The following LINGO2 variants were observed in gnomAD, a reference collection of about 807,000 sequenced individuals.
LINGO2 encodes leucine rich repeat and Ig domain containing 2, also known as leucine-rich repeat and immunoglobulin-like domain-containing nogo receptor-interacting protein 2.
In LINGO2, 14 loss-of-function variants were observed where a neutral mutation model predicts 30.6. The ratio of observed to expected loss-of-function variants is 0.46; its 90% CI spans 0.30 to 0.72. The LOEUF is 0.72. Among genes scored for constraint, LINGO2 ranks in the 30% least tolerant of loss-of-function variants. The pLI is 0.07. For synonymous variants in LINGO2, 317 were observed against 288.5 expected, an observed-to-expected ratio of 1.10 and a Z score of -1.00; for missense variants, 729 against 751.7, an observed-to-expected ratio of 0.97 and a Z score of 0.35.
rs763284293 is a variant in LINGO2, at chr9:27,981,534, C to CAAAAAAAAAAAAA, written c.-36+30808_-36+30820dup. Among the ~76,000 whole-genome samples, 167 of 39,788 alleles carry CAAAAAAAAAAAAA rather than the reference C, an allele frequency of 4.2e-3. 3 individuals carry two copies. The highest frequency in any genetic ancestry group is 5.8e-3 in the African/African-American group (68 of 11,802). 26.1% of individuals were successfully genotyped at this position (39,788 alleles called of 152,430 possible). ...ATGAAAGGATAAATGACGAGGATGG[C>CAAAAAAAAAAAAA]AAAAAAAAAAAAAAAAGAAAAAAAA... On this transcript the variant is annotated intron_variant, in intron 5 of 5. Coordinates refer to ENST00000379992, the Ensembl canonical transcript of LINGO2.
At chr9:28,878,486 T>G in the LINGO2 span, among the ~76,000 whole-genome samples, 2 of 152,182 alleles carry the variant, frequency 1.3e-5, no homozygotes, top group Admixed American at 6.6e-5. Context: ...AAACTCATTT[T>G]ATGAGGCCAG....
the LINGO2 span, among the ~76,000 whole-genome samples, chr9:28,707,639 T>C: frequency 6.6e-6 from 1 of 152,214 alleles, no homozygotes; most frequent in South Asian, 2.1e-4. Context: ...TCTGCTCAAC[T>C]GTCTTGTAAT....
At chr9:28,738,008 T>G in the LINGO2 span, among the ~76,000 whole-genome samples, 187 of 152,214 alleles carry the variant, frequency 1.2e-3, 3 homozygotes, top group East Asian at 0.029. Context: ...TCTCAGCAAC[T>G]AAAAAATGTG....
the LINGO2 span, among the ~76,000 whole-genome samples, chr9:28,784,106 G>A: frequency 6.6e-6 from 1 of 152,146 alleles, no homozygotes; most frequent in Non-Finnish European, 1.5e-5. Flanking sequence ...ATAATAATGT[G>A]AAATAAAATT....
At chr9:28,163,508 T>G (rs1471644763) in intron 4 of LINGO2, among the ~76,000 whole-genome samples, 1 of 152,128 alleles carries the variant, frequency 6.6e-6, no homozygotes, top group Non-Finnish European at 1.5e-5. Flanking sequence ...ACAAAAATAA[T>G]CTATAGAACT....
intron 1 of LINGO2, among the ~76,000 whole-genome samples, chr9:28,486,626 T>C (rs1826174458): frequency 6.6e-6 from 1 of 152,102 alleles, no homozygotes; most frequent in Admixed American, 6.6e-5. Flanking sequence ...TAAAAAGGTA[T>C]TCCTCAGGTA....
chr9:28,546,339 G>C (rs1280283867), intron 1 of LINGO2, among the ~76,000 whole-genome samples: 1 of 152,046 alleles, frequency 6.6e-6, no homozygotes, highest in Non-Finnish European at 1.5e-5. Context: ...TGACATGGGA[G>C]CCTTCAGCAA....
chr9:29,169,529 ATACT>A, the LINGO2 span, among the ~76,000 whole-genome samples: 4 of 152,144 alleles, frequency 2.6e-5, no homozygotes, highest in Non-Finnish European at 4.4e-5. Flanking sequence ...TGAAAAAAAA[ATACT>A]TAATATCACT....
the LINGO2 span, among the ~76,000 whole-genome samples, chr9:29,201,880 C>T: frequency 6.6e-6 from 1 of 151,968 alleles, no homozygotes; most frequent in African/African-American, 2.4e-5. Context: ...ACTAACACGT[C>T]ATGAGACGAA....
At chr9:28,365,781 TTTTC>T (rs1324764514) in intron 3 of LINGO2, among the ~76,000 whole-genome samples, 61 of 143,624 alleles carry the variant, frequency 4.2e-4, no homozygotes, top group African/African-American at 1.5e-3. Context: ...TTTTTTTTTT[TTTTC>T]CTCTCTCTCT....
Position 28,050,844 on chromosome 9 carries a change from A to G in LINGO2, c.-86-38439T>C, listed in dbSNP as rs1026465760. Among the ~76,000 whole-genome samples, 81 of 150,958 alleles carry G rather than the reference A, an allele frequency of 5.4e-4. 5 individuals are homozygous for G. The highest frequency in any genetic ancestry group is 2.0e-4 in the Admixed American group (3 of 15,036). ...GGAATAACATGTGTAAGTGGGGCAAATGTTCAATTTGGTGATTTTATATAA... is the reference window on the plus strand; with the variant it reads ...GGAATAACATGTGTAAGTGGGGCAAGTGTTCAATTTGGTGATTTTATATAA... On this transcript the variant is annotated intron_variant, in intron 4 of 5. Coordinates refer to ENST00000379992, the Ensembl canonical transcript of LINGO2.
At chr9:29,193,659 G>A in the LINGO2 span, among the ~76,000 whole-genome samples, 2 of 152,116 alleles carry the variant, frequency 1.3e-5, no homozygotes, top group Non-Finnish European at 2.9e-5. Context: ...GGTAAGATTT[G>A]GGAAGTGGCA....
At chr9:28,181,328 G>A (rs1828905279) in intron 4 of LINGO2, among the ~76,000 whole-genome samples, 1 of 152,178 alleles carries the variant, frequency 6.6e-6, no homozygotes, top group Non-Finnish European at 1.5e-5. Flanking sequence ...AACAATGTTT[G>A]GAGGATTAAC....
chr9:28,619,156 T>A (rs2135817064), intron 1 of LINGO2, among the ~76,000 whole-genome samples: 1 of 152,292 alleles, frequency 6.6e-6, no homozygotes, highest in East Asian at 1.9e-4. Context: ...TTATATGGGC[T>A]AGTGAATGAA....
intron 1 of LINGO2, among the ~76,000 whole-genome samples, chr9:28,574,030 A>T (rs184282045): frequency 2.0e-5 from 3 of 152,322 alleles, no homozygotes; most frequent in Non-Finnish European, 4.4e-5. Context: ...CACATTAACA[A>T]TGGCTCCCAT....
At chr9:28,045,714 T>C (rs1824389720) in intron 4 of LINGO2, among the ~76,000 whole-genome samples, 1 of 151,776 alleles carries the variant, frequency 6.6e-6, no homozygotes, top group African/African-American at 2.4e-5. Flanking sequence ...GATTGAACAC[T>C]AATTTTCACA....
At chr9:28,940,020 T>C in the LINGO2 span, among the ~76,000 whole-genome samples, 3 of 152,206 alleles carry the variant, frequency 2.0e-5, no homozygotes, top group African/African-American at 4.8e-5. Context: ...AAGATCAATA[T>C]AATTATAAAA....
the LINGO2 span, among the ~76,000 whole-genome samples, chr9:28,726,856 A>C: frequency 1.8e-3 from 277 of 152,272 alleles, 4 homozygotes; most frequent in Non-Finnish European, 3.5e-4. Flanking sequence ...CTCTCCACCT[A>C]CTACCCACGC....
At chr9:28,863,920 C>A in the LINGO2 span, among the ~76,000 whole-genome samples, 7 of 151,954 alleles carry the variant, frequency 4.6e-5, no homozygotes, top group Non-Finnish European at 8.8e-5. Context: ...ATATTATATA[C>A]CAGTAAATTT....
Sources: allele counts gnomAD v4.1 joint callset (sites outside exome capture counted in the v4.1 genomes callset), GRCh38; gene constraint gnomAD v4.1.1; transcripts MANE v1.5; gene names NCBI Gene and HGNC (gene_info 2026-07-23, HGNC 2026-07-21).